IGSF11: variants seen among roughly 807,000 people sequenced by gnomAD.
IGSF11 encodes the protein immunoglobulin superfamily member 11, also known as CXADR like 1.
A neutral mutation model predicts 41.0 loss-of-function variants in IGSF11; 22 were observed. The ratio of observed to expected loss-of-function variants is 0.54; its 90% confidence interval spans 0.38 to 0.77. The LOEUF (loss-of-function observed/expected upper bound fraction) is 0.77. Among genes scored for constraint, IGSF11 ranks in the 30% least tolerant of loss-of-function variants. The pLI, the probability that IGSF11 is intolerant of heterozygous loss-of-function variation, is 0.00. For synonymous variants in IGSF11, 219 were observed against 201.3 expected (o/e 1.09, Z -0.74); for missense variants, 444 against 530.8 (o/e 0.84, Z 1.61).
At chr3:118,961,364 C>G (rs1945320579) in intron 1 of IGSF11, among the ~76,000 whole-genome samples, 1 of 152,198 alleles carries the variant, frequency 6.6e-6, no homozygotes, top group Non-Finnish European at 1.5e-5. Flanking sequence ...TTTCATACAT[C>G]CCCACCATAC....
chr3:119,136,294 A>G (rs1219566922), intron 1 of IGSF11, among the ~76,000 whole-genome samples: 1 of 152,128 alleles, frequency 6.6e-6, no homozygotes, highest in African/African-American at 2.4e-5. Flanking sequence ...AAATAACAAA[A>G]CAGCAGGAAT....
At position 119,027,673 on chromosome 3, in the gene IGSF11, C is replaced by T. The variant is rs370447758; in HGVS notation, c.52+6858G>A. On this transcript the variant is annotated intron_variant, in intron 1 of 6. Transcript: ENST00000393775. ...TAATTTCTAATACAGTATCAATAGA[C>T]ATAAACCACATAAACTAAAGCTCTT... Among the ~76,000 whole-genome samples, 33 of 152,276 alleles carry T rather than the reference C, an allele frequency of 2.2e-4. No individual in the cohort carries two copies. In the East Asian group the frequency reaches 6.2e-3, roughly 28 times the overall value.
At chr3:119,076,395 GC>G (rs2076500122) in intron 1 of IGSF11, among the ~76,000 whole-genome samples, 1 of 152,280 alleles carries the variant, frequency 6.6e-6, no homozygotes, top group East Asian at 1.9e-4. Context: ...GGCAACAAAA[GC>G]CAAAATTGAC....
chr3:119,038,586 G>T (rs1940999331), upstream of IGSF11, among the ~76,000 whole-genome samples: 1 of 152,062 alleles, frequency 6.6e-6, no homozygotes, highest in Admixed American at 6.5e-5. Context: ...AATTCTAATA[G>T]CAAATTTAAA....
At chr3:119,069,136 C>T (rs563600343) in intron 1 of IGSF11, among the ~76,000 whole-genome samples, 2 of 152,038 alleles carry the variant, frequency 1.3e-5, no homozygotes, top group South Asian at 4.2e-4. Context: ...ACCGTGTTAG[C>T]CAAGATGGTC....
At position 119,001,712 on chromosome 3, in the gene IGSF11, A is replaced by T. The variant is rs2044898427; in HGVS notation, c.52+32819T>A. On this transcript the variant is annotated intron_variant, in intron 1 of 6. Coordinates refer to ENST00000393775, the MANE Select transcript of IGSF11 (RefSeq NM_001015887.3). ...GTTCAATTCCCATCTATGAGTGAGA[A>T]TATGCAGTGTTTGGTTTTTTGTTCT... Among the ~76,000 whole-genome samples the T allele has an allele frequency of 2.7e-5, 4 of 148,598 alleles. No individual in the cohort carries two copies. The South Asian group carries it at 8.6e-4, about 32-fold the overall frequency.
intron 4 of IGSF11, among the ~76,000 whole-genome samples, chr3:118,913,220 G>C (rs752395379): frequency 2.6e-5 from 4 of 151,850 alleles, no homozygotes; most frequent in Non-Finnish European, 4.4e-5. Flanking sequence ...TAAACCAAGA[G>C]CTAACAGGAA....
At chr3:119,065,864 T>C (rs773520185) in intron 1 of IGSF11, among the ~76,000 whole-genome samples, 4 of 145,028 alleles carry the variant, frequency 2.8e-5, no homozygotes, top group African/African-American at 1.0e-4. Context: ...AATTGTGAAA[T>C]ATTTGTTTCA....
intron 1 of IGSF11, among the ~76,000 whole-genome samples, chr3:119,006,401 T>C (rs1280006576): frequency 9.8e-6 from 1 of 102,292 alleles, no homozygotes. Flanking sequence ...TCTTTGCCTT[T>C]GGTTTGAATG....
intron 6 of IGSF11, 141 bp from the exon 7 acceptor site, chr3:118,903,102 G>T (rs1351026411): frequency 1.3e-6 from 1 of 757,226 alleles, no homozygotes; most frequent in East Asian, 2.7e-5. Flanking sequence ...GTGAAAGCAG[G>T]CATGGCAACC....
intron 1 of IGSF11, among the ~76,000 whole-genome samples, chr3:119,046,443 A>G (rs933923691): frequency 5.3e-5 from 8 of 152,170 alleles, no homozygotes; most frequent in Middle Eastern, 3.2e-3. Context: ...AAGTTTAGAG[A>G]AAAAAGAATA....
At chr3:119,125,128 C>G (rs532007240) in intron 1 of IGSF11, among the ~76,000 whole-genome samples, 4 of 152,328 alleles carry the variant, frequency 2.6e-5, no homozygotes, top group Non-Finnish European at 4.4e-5. Context: ...AGGACTTCAT[C>G]AATACCAGAC....
intron 1 of IGSF11, among the ~76,000 whole-genome samples, chr3:119,144,211 G>A (rs765839717): frequency 1.3e-5 from 2 of 152,052 alleles, no homozygotes; most frequent in African/African-American, 2.4e-5. Context: ...CACCACACCC[G>A]GCTGATTTTT....
intron 1 of IGSF11, among the ~76,000 whole-genome samples, chr3:119,053,456 C>G (rs969855917): frequency 6.6e-6 from 1 of 152,064 alleles, no homozygotes; most frequent in Non-Finnish European, 1.5e-5. Flanking sequence ...ATGTACCTAA[C>G]CAAGGAAATG....
intron 1 of IGSF11, among the ~76,000 whole-genome samples, chr3:119,054,205 A>T (rs1282080435): frequency 1.3e-5 from 2 of 152,250 alleles, no homozygotes; most frequent in Admixed American, 1.3e-4. Context: ...CAGCAAAAGA[A>T]ATAATCAGCA....
chr3:118,931,657 T>C lies in IGSF11; in HGVS notation c.53-1382A>G, dbSNP rs559856908. On this transcript the variant is annotated intron_variant, in intron 1 of 6. Coordinates refer to ENST00000393775, the MANE Select transcript of IGSF11 (RefSeq NM_001015887.3). Reference sequence around the variant, plus strand: ...ATACACAGGCATAGGGACTTGTAAATAGACTTACTGGGACTTTTTAGTGAT... The same window carrying C: ...ATACACAGGCATAGGGACTTGTAAACAGACTTACTGGGACTTTTTAGTGAT... Among the ~76,000 whole-genome samples the C allele has an allele frequency of 2.1e-4, 32 of 151,882 alleles. No individual in the cohort carries two copies. In the South Asian group the frequency reaches 3.1e-3, roughly 15 times the overall value.
chr3:119,033,997 G>A (rs1940666933), intron 1 of IGSF11, among the ~76,000 whole-genome samples: 1 of 152,174 alleles, frequency 6.6e-6, no homozygotes. Flanking sequence ...AAGCTAGAGT[G>A]TAAATAAATT....
At chr3:119,110,291 A>G (rs1200501876) in intron 1 of IGSF11, among the ~76,000 whole-genome samples, 1 of 151,926 alleles carries the variant, frequency 6.6e-6, no homozygotes, top group East Asian at 1.9e-4. Context: ...GGGTGCATAT[A>G]TATTTAGGAT....
chr3:118,945,837 T>G (rs1293279154), intron 1 of IGSF11: 3 of 152,228 alleles, frequency 2.0e-5, no homozygotes, highest in African/African-American at 7.2e-5. Flanking sequence ...CATCCTAATA[T>G]GCTTATTGTC....
Sources: allele counts gnomAD v4.1 joint callset (sites outside exome capture counted in the v4.1 genomes callset), GRCh38; gene constraint gnomAD v4.1.1; transcripts MANE v1.5; gene names NCBI Gene and HGNC (gene_info 2026-07-23, HGNC 2026-07-21).